GALNT13: variants seen among roughly 807,000 people sequenced by gnomAD.
The protein encoded by GALNT13 is polypeptide N-acetylgalactosaminyltransferase 13, also known as UDP-GalNAc:polypeptide N-acetylgalactosaminyltransferase 13.
A neutral mutation model predicts 64.2 loss-of-function variants in GALNT13; 28 were observed. The ratio of observed to expected loss-of-function variants is 0.44; its 90% CI spans 0.32 to 0.60. The LOEUF (loss-of-function observed/expected upper bound fraction) is 0.60, where lower values mean the gene tolerates loss of function less well. GALNT13 is among the 20% of genes least tolerant of loss of function. The pLI, the probability that GALNT13 is intolerant of heterozygous loss-of-function variation, is 0.05. For synonymous variants in GALNT13, 214 were observed against 224.6 expected, an observed-to-expected ratio of 0.95 and a Z score of 0.42; for missense variants, 577 against 669.8, an observed-to-expected ratio of 0.86 and a Z score of 1.53.
the GALNT13 span, among the ~76,000 whole-genome samples, chr2:153,525,000 C>T: frequency 1.3e-5 from 2 of 152,142 alleles, no homozygotes; most frequent in Admixed American, 6.5e-5. Context: ...CTTCCTACCT[C>T]TTGATAGAAG....
At chr2:153,647,210 G>A in the GALNT13 span, among the ~76,000 whole-genome samples, 1 of 152,130 alleles carries the variant, frequency 6.6e-6, no homozygotes, top group African/African-American at 2.4e-5. Context: ...TTCTCTGATG[G>A]CCAGTGATGA....
the GALNT13 span, among the ~76,000 whole-genome samples, chr2:153,142,005 A>G: frequency 2.0e-5 from 3 of 152,028 alleles, no homozygotes; most frequent in African/African-American, 4.8e-5. Flanking sequence ...GTAATAATAA[A>G]GGCTACTGTG....
intron 3 of GALNT13, among the ~76,000 whole-genome samples, chr2:154,033,639 C>A (rs1331435065): frequency 1.3e-5 from 2 of 151,990 alleles, no homozygotes; most frequent in Admixed American, 1.3e-4. Context: ...ATTATTATAA[C>A]TTTATAAAAA....
At chr2:153,237,943 C>T in the GALNT13 span, among the ~76,000 whole-genome samples, 2 of 152,036 alleles carry the variant, frequency 1.3e-5, no homozygotes. Context: ...AATTTACATG[C>T]CCACCACCAG....
the GALNT13 span, among the ~76,000 whole-genome samples, chr2:153,199,888 T>C: frequency 6.6e-6 from 1 of 152,154 alleles, no homozygotes; most frequent in Non-Finnish European, 1.5e-5. Flanking sequence ...TACAGTGCCA[T>C]GAGAAATAAT....
the GALNT13 span, among the ~76,000 whole-genome samples, chr2:153,232,028 G>T: frequency 1.3e-5 from 2 of 152,170 alleles, no homozygotes; most frequent in East Asian, 3.9e-4. Flanking sequence ...AACGTGCACT[G>T]ACCCTTGTCA....
the GALNT13 span, among the ~76,000 whole-genome samples, chr2:153,441,932 C>G: frequency 2.6e-4 from 39 of 152,156 alleles, no homozygotes; most frequent in African/African-American, 8.9e-4. Flanking sequence ...ATTTGAATAC[C>G]CTTTATTTCT....
At chr2:154,170,238 G>A (rs1685275665) in intron 4 of GALNT13, among the ~76,000 whole-genome samples, 1 of 152,136 alleles carries the variant, frequency 6.6e-6, no homozygotes, top group South Asian at 2.1e-4. Context: ...TTGGATGAGG[G>A]CGGATCTTCC....
the GALNT13 span, among the ~76,000 whole-genome samples, chr2:153,277,918 C>CTTTTTTTTTTTTTT: frequency 2.5e-5 from 1 of 39,224 alleles, no homozygotes; most frequent in African/African-American, 1.0e-4. Context: ...CTTTTGTTTT[C>CTTTTTTTTTTTTTT]TTTTCTTTCT....
At chr2:153,520,715 G>T in the GALNT13 span, among the ~76,000 whole-genome samples, 1 of 152,106 alleles carries the variant, frequency 6.6e-6, no homozygotes, top group Non-Finnish European at 1.5e-5. Flanking sequence ...TTATTTCAAA[G>T]ACATTTTCTC....
chr2:153,647,034 G>A, the GALNT13 span, among the ~76,000 whole-genome samples: 37 of 152,134 alleles, frequency 2.4e-4, no homozygotes, highest in African/African-American at 8.4e-4. Flanking sequence ...CTGAGGAATC[G>A]CCACACTGAC....
At chr2:153,265,853 T>C in the GALNT13 span, among the ~76,000 whole-genome samples, 4 of 152,210 alleles carry the variant, frequency 2.6e-5, no homozygotes, top group African/African-American at 7.2e-5. Flanking sequence ...TCTAGAATAT[T>C]ACATAAACTT....
intron 2 of GALNT13, among the ~76,000 whole-genome samples, chr2:153,940,311 G>A (rs1357881189): frequency 2.7e-5 from 4 of 149,066 alleles, no homozygotes; most frequent in Non-Finnish European, 5.9e-5. Context: ...AGGCTGGGGT[G>A]CAATGGTACA....
intron 9 of GALNT13, among the ~76,000 whole-genome samples, chr2:154,378,575 G>C (rs2105326858): frequency 1.3e-5 from 2 of 152,256 alleles, no homozygotes; most frequent in South Asian, 4.1e-4. Context: ...ACAATTTGCT[G>C]TCTTACAAAA....
At chr2:153,955,925 T>C (rs771046137) in intron 3 of GALNT13, among the ~76,000 whole-genome samples, 10 of 152,098 alleles carry the variant, frequency 6.6e-5, no homozygotes, top group Non-Finnish European at 1.3e-4. Context: ...GGCAGCACAC[T>C]ACCGTAGCAT....
the GALNT13 span, among the ~76,000 whole-genome samples, chr2:153,126,652 T>A: frequency 6.6e-6 from 1 of 152,110 alleles, no homozygotes; most frequent in Non-Finnish European, 1.5e-5. Flanking sequence ...GTACGGCCAA[T>A]CTTGTAAAGA....
At chr2:153,456,047 C>T in the GALNT13 span, among the ~76,000 whole-genome samples, 1 of 152,158 alleles carries the variant, frequency 6.6e-6, no homozygotes, top group Non-Finnish European at 1.5e-5. Flanking sequence ...GGCCAAGCCA[C>T]TTCTCTGCGA....
chr2:153,210,195 A>G, the GALNT13 span, among the ~76,000 whole-genome samples: 1 of 152,114 alleles, frequency 6.6e-6, no homozygotes, highest in Non-Finnish European at 1.5e-5. Flanking sequence ...GGCTTAGTTT[A>G]GGACCTCTGG....
chr2:153,114,846 C>T, the GALNT13 span, among the ~76,000 whole-genome samples: 1 of 151,682 alleles, frequency 6.6e-6, no homozygotes, highest in Admixed American at 6.6e-5. Flanking sequence ...TTCCAATCCC[C>T]CTCCATTATA....
Sources: allele counts gnomAD v4.1 joint callset (sites outside exome capture counted in the v4.1 genomes callset), GRCh38; gene constraint gnomAD v4.1.1; transcripts MANE v1.5; gene names NCBI Gene and HGNC (gene_info 2026-07-23, HGNC 2026-07-21).